Variants in PIK3R6 observed in about 807,000 individuals in gnomAD.
PIK3R6 encodes phosphoinositide 3-kinase regulatory subunit 6.
In PIK3R6, 91 loss-of-function variants were observed where a neutral mutation model predicts 84.9. That is an observed-to-expected ratio of 1.07 (90% confidence interval 0.90 to 1.28). The LOEUF is 1.28. PIK3R6 is among the 50% of genes most tolerant of loss of function. The probability of loss-of-function intolerance (pLI) is 0.00; values close to 1 mark genes in which losing one functional copy is unlikely to be tolerated. For missense variants in PIK3R6, 996 were observed against 985.1 expected, an observed-to-expected ratio of 1.01 and a Z score of -0.15; for synonymous variants, 416 against 411.4, an observed-to-expected ratio of 1.01 and a Z score of -0.13.
At chr17:8,834,474 A>C (rs965408312) in intron 8 of PIK3R6, among the ~76,000 whole-genome samples, 36 of 152,024 alleles carry the variant, frequency 2.4e-4, no homozygotes, top group African/African-American at 8.4e-4. Context: ...AGCTCACTGC[A>C]GCCTTGAACT....
At position 8,864,180 on chromosome 17, in the gene PIK3R6, TATA is replaced by T. The variant is rs1432876090; in HGVS notation, c.-92+3346_-92+3348del. ...GGACAGAAGACTAATTTGCTGTCAA[TATA>T]ATAGAGATAATGTCTCCTTTCAGGG... On this transcript the variant is annotated intron_variant, in intron 1 of 19. Coordinates refer to ENST00000619866, the MANE Select transcript of PIK3R6 (RefSeq NM_001010855.4). Among the ~76,000 whole-genome samples, 3 of 152,184 alleles carry T rather than the reference TATA, an allele frequency of 2.0e-5. No homozygotes were observed. The East Asian group carries it at 5.8e-4, about 29-fold the overall frequency.
chr17:8,816,876 T>C (rs1199465023), intron 18 of PIK3R6, among the ~76,000 whole-genome samples: 1 of 152,228 alleles, frequency 6.6e-6, no homozygotes, highest in East Asian at 1.9e-4. Context: ...GGATGCCACC[T>C]GACTGAATGA....
At chr17:8,805,882 C>T (rs1384289927) in intron 18 of PIK3R6, among the ~76,000 whole-genome samples, 1 of 151,594 alleles carries the variant, frequency 6.6e-6, no homozygotes, top group East Asian at 1.9e-4. Context: ...TGCACCACTG[C>T]ACTCCAGCCC....
chr17:8,828,078 C>G, intron 12 of PIK3R6, 34 bp downstream of exon 12: 1 of 1,605,532 alleles, frequency 6.2e-7, no homozygotes, highest in Non-Finnish European at 8.5e-7. Context: ...TGCCCTGTCT[C>G]TGCCCCGCCA....
Position 8,833,984 on chromosome 17 carries a change from G to A in PIK3R6, c.646-939C>T, listed in dbSNP as rs185605366. 1.0e-3 allele frequency among the ~76,000 whole-genome samples: 158 copies of A among 151,512 alleles called. 1 individual carries two copies. The highest frequency in any genetic ancestry group is 3.7e-3 in the African/African-American group (153 of 41,354). On this transcript the variant is annotated intron_variant, in intron 8 of 19. Transcript: ENST00000619866. ...GAGATGGAGACCACGGTGAAACCCC[G>A]TCTCTACTAAAAATAGAAAAAATTA...
chr17:8,827,726 G>A (rs1002749700), intron 12 of PIK3R6, among the ~76,000 whole-genome samples: 1 of 126,770 alleles, frequency 7.9e-6, no homozygotes, highest in Admixed American at 8.5e-5. Context: ...GTGTGTATGA[G>A]AGAGGGGAGG....
rs1567577193 is a variant in PIK3R6 at position 8,822,667 on chromosome 17, G to A, written c.1718-10C>T. The A allele has an allele frequency of 3.1e-6, 5 of 1,613,700 alleles. No homozygotes were observed. Among genetic ancestry groups the A allele is most frequent in the Non-Finnish European group, 4.2e-6 (5 of 1,179,726 alleles). ...CTGGGTGAAAAGCCATCTGTGGGGA[G>A]ATGAGAAGAGGCTTGGGGTGGAGGT... On this transcript the variant is annotated splice_polypyrimidine_tract_variant and intron_variant, in intron 15 of 19. Coordinates refer to ENST00000619866, the MANE Select transcript of PIK3R6 (RefSeq NM_001010855.4).
At chr17:8,816,774 A>T (rs1297114924) in intron 18 of PIK3R6, among the ~76,000 whole-genome samples, 1 of 152,236 alleles carries the variant, frequency 6.6e-6, no homozygotes, top group Non-Finnish European at 1.5e-5. Flanking sequence ...TCACTATCTG[A>T]ATTGTGCTGA....
Position 8,803,888 on chromosome 17 carries a change from C to T in PIK3R6, c.2108+153G>A. The stretch of plus-strand genomic sequence containing the variant: ...TGGATCCAAAGCATAGGGCAGTGGC[C>T]TCTGTCCATCCTCACCAAGGTTACC... On this transcript the variant is annotated intron_variant, in intron 19 of 19. Transcript: ENST00000619866. The surrounding 1 kb of genome is among the most constrained non-coding windows in gnomAD (Gnocchi z 5.0). 1.5e-6 allele frequency: 1 copy of T among 665,356 alleles called. No homozygotes were observed. Among genetic ancestry groups the T allele is most frequent in the Non-Finnish European group, 2.6e-6 (1 of 377,528 alleles). The allele number at this position is 665,356 out of a possible 1,614,324, so 41.2% of individuals were successfully genotyped here. A position where few individuals can be genotyped will look rare whatever the true frequency, so the allele number is the denominator to read the frequency against.
intron 2 of PIK3R6, among the ~76,000 whole-genome samples, chr17:8,841,135 C>T (rs1271886888): frequency 6.6e-6 from 1 of 152,092 alleles, no homozygotes; most frequent in East Asian, 1.9e-4. Context: ...TTGAAGCCTA[C>T]AGCACCCTGT....
At position 8,827,759 on chromosome 17, in the gene PIK3R6, GA is replaced by G. The variant is rs1385703051; in HGVS notation, c.1392+352del. Among the ~76,000 whole-genome samples the G allele has an allele frequency of 1.8e-4, 13 of 73,328 alleles. 1 individual carries two copies. In the East Asian group the frequency reaches 3.6e-3, roughly 20 times the overall value. 48.1% of individuals were successfully genotyped at this position (73,328 alleles called of 152,430 possible). The stretch of plus-strand genomic sequence containing the variant: ...AGGGAAGGGGAGAGAGAGAGAGAGA[GA>G]GAGGAGAGAGAGAGAGAGAGAGAGA... On this transcript the variant is annotated intron_variant, in intron 12 of 19. Coordinates refer to ENST00000619866, the MANE Select transcript of PIK3R6 (RefSeq NM_001010855.4).
At chr17:8,819,937 A>T (rs12386050) in intron 17 of PIK3R6, among the ~76,000 whole-genome samples, 6,500 of 86,176 alleles carry the variant, frequency 0.075, 291 homozygotes, top group African/African-American at 0.2. Flanking sequence ...ATATATATAT[A>T]TTTTTATATA....
At chr17:8,840,301 T>C (rs527520205) in intron 2 of PIK3R6, among the ~76,000 whole-genome samples, 4 of 140,080 alleles carry the variant, frequency 2.9e-5, no homozygotes, top group African/African-American at 1.0e-4. Flanking sequence ...CCTACAAATA[T>C]GTATATGAAA....
intron 2 of PIK3R6, among the ~76,000 whole-genome samples, chr17:8,840,563 A>C (rs1458135368): frequency 6.8e-6 from 1 of 147,744 alleles, no homozygotes; most frequent in East Asian, 1.9e-4. Flanking sequence ...GTATATATAC[A>C]GTCTCCAAAT....
rs2088770799 is a variant in PIK3R6 at position 8,844,553 on chromosome 17, T to C, written c.14-4856A>G. Among the ~76,000 whole-genome samples the C allele has an allele frequency of 6.6e-6, 1 of 152,180 alleles. No individual in the cohort carries two copies. The highest frequency in any genetic ancestry group is 1.5e-5 in the Non-Finnish European group (1 of 68,026). On this transcript the variant is annotated intron_variant, in intron 2 of 19. Coordinates refer to ENST00000619866, the MANE Select transcript of PIK3R6 (RefSeq NM_001010855.4). The surrounding 1 kb of genome is among the most constrained non-coding windows in gnomAD (Gnocchi z 4.5). Reference sequence around the variant, plus strand: ...GGCATCCATTATTATTATCCTCCTCTGCATCCAGGAATGTGGGATATTACT... The same window carrying C: ...GGCATCCATTATTATTATCCTCCTCCGCATCCAGGAATGTGGGATATTACT...
intron 17 of PIK3R6, among the ~76,000 whole-genome samples, chr17:8,820,632 T>TG (rs111356788): frequency 1.3e-5 from 2 of 152,222 alleles, no homozygotes; most frequent in African/African-American, 4.8e-5. Flanking sequence ...CCTGCTGTGA[T>TG]GGAGTTTTAT....
At chr17:8,835,035 G>A (rs1243598660) in intron 8 of PIK3R6, among the ~76,000 whole-genome samples, 2 of 152,162 alleles carry the variant, frequency 1.3e-5, no homozygotes, top group Admixed American at 1.3e-4. Context: ...ACTGGATTTC[G>A]CCATGTTGGC....
intron 11 of PIK3R6, 60 bp from the exon 12 acceptor site, chr17:8,828,250 G>A (rs527989281): frequency 6.6e-7 from 1 of 1,526,260 alleles, no homozygotes; most frequent in Non-Finnish European, 9.1e-7. Flanking sequence ...AAACAGACTC[G>A]GCTCTGCTAT....
At position 8,810,309 on chromosome 17, in the gene PIK3R6, A is replaced by G. The variant is rs531744141; in HGVS notation, c.1996-6156T>C. Among the ~76,000 whole-genome samples the G allele has an allele frequency of 2.7e-5, 4 of 147,976 alleles. 1 individual carries two copies. In the East Asian group the frequency reaches 9.1e-4, roughly 34 times the overall value. ...GGGAAAGACCTGTCCCCATGATTCA[A>G]TTACCTCCCACCAGGCCCCTCCCAC... On this transcript the variant is annotated intron_variant, in intron 18 of 19. Coordinates refer to ENST00000619866, the MANE Select transcript of PIK3R6 (RefSeq NM_001010855.4).
Sources: gnomAD v4.1 joint callset for allele counts (sites outside exome capture counted in the v4.1 genomes callset) on GRCh38, gnomAD v4.1.1 for gene constraint, Gnocchi (gnomAD v3.1) non-coding constraint, MANE v1.5 for transcripts, NCBI Gene and HGNC (gene_info 2026-07-23, HGNC 2026-07-21) for gene names.